The following FAM110B variants were observed in gnomAD, a reference collection of about 807,000 sequenced individuals.
FAM110B encodes the protein protein FAM110B.
A neutral mutation model predicts 20.4 loss-of-function variants in FAM110B; 6 were observed. The ratio of observed to expected loss-of-function variants is 0.29; its 90% confidence interval spans 0.16 to 0.58. FAM110B has a LOEUF of 0.58. Among genes scored for constraint, FAM110B ranks in the 20% least tolerant of loss-of-function variants. The probability of loss-of-function intolerance (pLI) is 0.90; values close to 1 mark genes in which losing one functional copy is unlikely to be tolerated. For synonymous variants in FAM110B, 226 were observed against 214.1 expected (o/e 1.06, Z -0.49); for missense variants, 434 against 498.2 (o/e 0.87, Z 1.23).
intron 2 of FAM110B, among the ~76,000 whole-genome samples, chr8:58,074,540 AT>A (rs938961082): frequency 6.6e-6 from 1 of 152,100 alleles, no homozygotes; most frequent in African/African-American, 2.4e-5. Flanking sequence ...TATTTACTGT[AT>A]TTGTTTATTT....
At chr8:58,054,119 A>C (rs1805507362) in intron 2 of FAM110B, among the ~76,000 whole-genome samples, 1 of 152,230 alleles carries the variant, frequency 6.6e-6, no homozygotes, top group South Asian at 2.1e-4. Flanking sequence ...AGTGATTGAC[A>C]CAAGAGTAGA....
At chr8:58,029,873 T>TTAC (rs1804932144) in intron 1 of FAM110B, among the ~76,000 whole-genome samples, 1 of 152,256 alleles carries the variant, frequency 6.6e-6, no homozygotes, top group Admixed American at 6.5e-5. Context: ...ATATGTGGTA[T>TTAC]TACTCCCTGT....
chr8:58,067,831 GA>G (rs927611720), intron 2 of FAM110B, among the ~76,000 whole-genome samples: 3 of 152,172 alleles, frequency 2.0e-5, no homozygotes, highest in African/African-American at 7.2e-5. Flanking sequence ...GAAGTTCAAA[GA>G]CAAGAGGACT....
chr8:58,096,564 G>C (rs760932607), intron 3 of FAM110B, among the ~76,000 whole-genome samples: 1 of 152,176 alleles, frequency 6.6e-6, no homozygotes, highest in African/African-American at 2.4e-5. Context: ...ATTGTTATGC[G>C]TGAATTTGAT....
At chr8:58,033,316 G>A (rs1231527374) in intron 2 of FAM110B, among the ~76,000 whole-genome samples, 1 of 152,102 alleles carries the variant, frequency 6.6e-6, no homozygotes, top group Non-Finnish European at 1.5e-5. Context: ...GTACACCTAG[G>A]TTGAGTCTGT....
chr8:58,053,065 G>A (rs923893457), intron 2 of FAM110B, among the ~76,000 whole-genome samples: 2 of 151,562 alleles, frequency 1.3e-5, no homozygotes, highest in Non-Finnish European at 2.9e-5. Flanking sequence ...GATTACAGGC[G>A]TGAGCCACCG....
intron 2 of FAM110B, among the ~76,000 whole-genome samples, chr8:58,064,936 G>A (rs528166618): frequency 2.0e-5 from 3 of 152,252 alleles, no homozygotes; most frequent in Admixed American, 1.3e-4. Context: ...CGAAGTTTTT[G>A]TATGACTCTT....
chr8:58,094,824 G>GTACC (rs1563367936), intron 3 of FAM110B, among the ~76,000 whole-genome samples: 1 of 152,134 alleles, frequency 6.6e-6, no homozygotes, highest in African/African-American at 2.4e-5. Context: ...ACAAGGAATG[G>GTACC]TACCAGTTCC....
At chr8:58,110,741 A>G (rs1453963360) in intron 3 of FAM110B, among the ~76,000 whole-genome samples, 1 of 152,178 alleles carries the variant, frequency 6.6e-6, no homozygotes, top group Non-Finnish European at 1.5e-5. Flanking sequence ...GTAGCCATTT[A>G]TAATATTTAT....
At chr8:58,132,120 A>AT (rs1803487266) in intron 3 of FAM110B, among the ~76,000 whole-genome samples, 1 of 120,486 alleles carries the variant, frequency 8.3e-6, no homozygotes. Flanking sequence ...GGAGAATCTC[A>AT]CCAAAGAGCT....
chr8:58,124,825 A>C (rs1585907221), intron 3 of FAM110B, among the ~76,000 whole-genome samples: 1 of 152,286 alleles, frequency 6.6e-6, no homozygotes, highest in African/African-American at 2.4e-5. Context: ...GGTATCTCTG[A>C]CTCTAGTTCC....
chr8:58,077,614 CAGCA>C (rs1806070457), intron 3 of FAM110B, among the ~76,000 whole-genome samples: 1 of 152,150 alleles, frequency 6.6e-6, no homozygotes, highest in Non-Finnish European at 1.5e-5. Flanking sequence ...GTAAGAAGAA[CAGCA>C]AGGCAGTGGG....
At chr8:58,078,904 A>G (rs1290713362) in intron 3 of FAM110B, among the ~76,000 whole-genome samples, 1 of 152,130 alleles carries the variant, frequency 6.6e-6, no homozygotes, top group South Asian at 2.1e-4. Flanking sequence ...ATTGCTCAGA[A>G]CAACAACAAC....
Position 58,146,280 on chromosome 8 carries a change from C to G in FAM110B, c.50C>G (p.Pro17Arg). 1 of 1,613,438 alleles carries G rather than the reference C, an allele frequency of 6.2e-7. No individual in the cohort carries two copies. Among genetic ancestry groups the G allele is most frequent in the South Asian group, 1.1e-5 (1 of 91,056 alleles). ...QTGSMVKPVS[P>R]AGTFTSAVPL... ...GGTAGCATGGTGAAGCCGGTCAGCC[C>G]CGCGGGCACCTTCACCTCTGCTGTG... is the stretch of plus-strand genomic sequence containing the variant. The change falls in exon 4 of 4, where the codon CCC becomes CGC. Residue 17 changes from proline (P) to arginine (R), a missense_variant. By Grantham distance (103) the Pro-to-Arg change is moderately radical (BLOSUM62 -2). Transcript: ENST00000519262.
intron 1 of FAM110B, among the ~76,000 whole-genome samples, chr8:58,004,003 T>G (rs764906543): frequency 1.3e-5 from 2 of 152,172 alleles, no homozygotes. Flanking sequence ...CAGGGACCAG[T>G]TTTGTGGAAG....
rs1387747194 is a variant in FAM110B, at chr8:58,147,059, T to C, written c.829T>C (p.Phe277Leu). The change falls in exon 4 of 4, where the codon TTC (phenylalanine) becomes CTC (leucine). Residue 277 changes from phenylalanine to leucine, a missense_variant. Physicochemically the swap from Phe to Leu is conservative, Grantham distance 22. This residue lies in a region of FAM110B where 94 missense variants were observed against 137.8 expected (regional missense o/e 0.68). Transcript: ENST00000519262. ...CCGAGTGGACGCGGACGTGGAGAGG[T>C]TCTTCAACTACTGTGGACTGGACCC... Reference protein sequence around the residue: ...YFRVDADVERFFNYCGLDPEE... With the variant: ...YFRVDADVERLFNYCGLDPEE... The C allele has an allele frequency of 6.2e-7, 1 of 1,613,842 alleles. No individual in the cohort carries two copies. The highest frequency in any genetic ancestry group is 8.5e-7 in the Non-Finnish European group (1 of 1,179,958).
At chr8:58,008,769 C>T (rs184916827) in intron 1 of FAM110B, among the ~76,000 whole-genome samples, 7 of 152,330 alleles carry the variant, frequency 4.6e-5, no homozygotes, top group Admixed American at 2.0e-4. Flanking sequence ...CAGGTATGAG[C>T]TCCATGAGTG....
chr8:58,030,266 G>A lies in FAM110B; in HGVS notation c.-511-1340G>A, dbSNP rs142500123. 3.3e-3 allele frequency among the ~76,000 whole-genome samples: 501 copies of A among 152,224 alleles called. 6 individuals carry two copies. The highest frequency in any genetic ancestry group is 0.012 in the African/African-American group (481 of 41,550). Reference sequence around the variant, plus strand: ...AGCAATAAAAAGAACCATGGGACTTGGAGTTTATATTTCTATTTTAATCTA... The same window carrying A: ...AGCAATAAAAAGAACCATGGGACTTAGAGTTTATATTTCTATTTTAATCTA... On this transcript the variant is annotated intron_variant, in intron 1 of 3. Transcript: ENST00000519262.
chr8:58,013,625 G>T (rs1804582680), intron 1 of FAM110B, among the ~76,000 whole-genome samples: 1 of 152,148 alleles, frequency 6.6e-6, no homozygotes. Flanking sequence ...CACAGAGGGG[G>T]AGTCCAGTGG....
Sources: allele counts gnomAD v4.1 joint callset (sites outside exome capture counted in the v4.1 genomes callset), GRCh38; gene constraint gnomAD v4.1.1; regional missense constraint gnomAD v4.1.1; transcripts MANE v1.5; gene names NCBI Gene and HGNC (gene_info 2026-07-23, HGNC 2026-07-21).